The following TMTC2 variants were observed in gnomAD, a reference collection of about 807,000 sequenced individuals.
The protein encoded by TMTC2 is transmembrane O-mannosyltransferase targeting cadherins 2, also known as protein O-mannosyl-transferase TMTC2.
A neutral mutation model predicts 82.4 loss-of-function variants in TMTC2; 43 were observed. The ratio of observed to expected loss-of-function variants is 0.52; its 90% CI spans 0.41 to 0.67. The LOEUF (loss-of-function observed/expected upper bound fraction) is 0.67, where lower values mean the gene tolerates loss of function less well. Ranked by LOEUF, TMTC2 falls within the 30% of genes least tolerant of loss-of-function variation. The probability of loss-of-function intolerance (pLI) is 0.00; values close to 1 mark genes in which losing one functional copy is unlikely to be tolerated. For synonymous variants in TMTC2, 408 were observed against 381.9 expected (o/e 1.07, Z -0.80); for missense variants, 919 against 1,012.4 (o/e 0.91, Z 1.25).
intron 4 of TMTC2, among the ~76,000 whole-genome samples, chr12:82,945,507 T>TA (rs35757226): frequency 6.6e-6 from 1 of 152,224 alleles, no homozygotes. Flanking sequence ...GGTTTAACTT[T>TA]AAAACTGATT....
chr12:82,895,874 C>T lies in TMTC2; in HGVS notation c.711C>T (p.Ser237=). The T allele has an allele frequency of 1.2e-6, 2 of 1,613,756 alleles. No homozygotes were observed. Among genetic ancestry groups the T allele is most frequent in the South Asian group, 1.1e-5 (1 of 91,062 alleles). ...SISLLIFWGS[S]LLGARLYWMG... The stretch of plus-strand genomic sequence containing the variant: ...GTTTGTTAATTTTCTGGGGTTCCTC[C>T]CTTTTGGGTGCCCGGTTATACTGGA... Residue 237 remains serine, a synonymous_variant, in exon 3 of 12, where the codon TCC becomes TCT. Transcript: ENST00000321196.
At chr12:82,941,122 G>A (rs1327603928) in intron 4 of TMTC2, among the ~76,000 whole-genome samples, 1 of 152,128 alleles carries the variant, frequency 6.6e-6, no homozygotes, top group Admixed American at 6.6e-5. Flanking sequence ...TTAATATCCA[G>A]ATTAAAAAGA....
intron 3 of TMTC2, among the ~76,000 whole-genome samples, chr12:82,925,794 T>C (rs1875672370): frequency 6.6e-6 from 1 of 151,952 alleles, no homozygotes; most frequent in Non-Finnish European, 1.5e-5. Flanking sequence ...GGCAACCCTA[T>C]TCCTTGAGAC....
intron 1 of TMTC2, among the ~76,000 whole-genome samples, chr12:82,763,153 G>A (rs1014676870): frequency 4.0e-5 from 6 of 149,724 alleles, no homozygotes; most frequent in Admixed American, 4.0e-4. Context: ...ACACTGTAAA[G>A]CAGACAAAGT....
chr12:82,937,730 A>ATGTGTGTG (rs1479455766), intron 4 of TMTC2, among the ~76,000 whole-genome samples: 31 of 26,488 alleles, frequency 1.2e-3, no homozygotes, highest in African/African-American at 2.4e-3. Context: ...GTGTGTGTGG[A>ATGTGTGTG]TGTGTGTGTG....
intron 11 of TMTC2, among the ~76,000 whole-genome samples, chr12:83,123,108 A>G (rs544787131): frequency 1.2e-3 from 184 of 152,238 alleles, no homozygotes; most frequent in Non-Finnish European, 1.1e-3. Context: ...ATAGAAATGT[A>G]TAACACCCAA....
rs7978478 is a variant in TMTC2 at position 82,996,129 on chromosome 12, G to T, written c.2070+10083G>T. 4.3e-3 allele frequency among the ~76,000 whole-genome samples: 652 copies of T among 152,262 alleles called. 5 individuals carry two copies. Among genetic ancestry groups the T allele is most frequent in the African/African-American group, 0.015 (607 of 41,558 alleles). On this transcript the variant is annotated intron_variant, in intron 8 of 11. Coordinates refer to ENST00000321196, the MANE Select transcript of TMTC2 (RefSeq NM_152588.3). ...TTCTGTGTATATTTTTAAATGAAAA[G>T]AATTTTAACATAGCTACTGGTAAAA...
At chr12:82,895,334 C>G (rs1444618204) in intron 2 of TMTC2, among the ~76,000 whole-genome samples, 3 of 152,212 alleles carry the variant, frequency 2.0e-5, no homozygotes, top group East Asian at 3.9e-4. Flanking sequence ...GAGACAAGCA[C>G]AAGAGTCCTG....
chr12:82,779,856 G>A (rs1877805098), intron 1 of TMTC2, among the ~76,000 whole-genome samples: 1 of 152,056 alleles, frequency 6.6e-6, no homozygotes, highest in Admixed American at 6.6e-5. Context: ...TCAAGATCAT[G>A]CCACTGCACT....
rs576506558 is a variant in TMTC2 at position 83,075,854 on chromosome 12, C to G, written c.2331+14023C>G. Among the ~76,000 whole-genome samples, 6 of 152,304 alleles carry G rather than the reference C, an allele frequency of 3.9e-5. 1 individual carries two copies. In the South Asian group the frequency reaches 8.3e-4, roughly 21 times the overall value. On this transcript the variant is annotated intron_variant, in intron 11 of 11. Transcript: ENST00000321196. ...GTATGCTGCAGTTATTTTCTTCTGA[C>G]AGGTTACAAGTCTAGCTTGTGGTGC...
chr12:83,123,016 A>G (rs1885003034), intron 11 of TMTC2, among the ~76,000 whole-genome samples: 1 of 152,222 alleles, frequency 6.6e-6, no homozygotes, highest in South Asian at 2.1e-4. Context: ...TCTGTTAGAA[A>G]TAACTACCAC....
chr12:82,694,707 G>A (rs1308292308), intron 1 of TMTC2, among the ~76,000 whole-genome samples: 2 of 151,846 alleles, frequency 1.3e-5, no homozygotes, highest in Admixed American at 6.6e-5. Flanking sequence ...TTTCTGTGAG[G>A]TCTTTGTCTT....
chr12:82,949,952 C>T (rs985841025), intron 4 of TMTC2, among the ~76,000 whole-genome samples: 2 of 152,048 alleles, frequency 1.3e-5, no homozygotes, highest in South Asian at 2.1e-4. Context: ...GTTTATCTCA[C>T]GATGCAAATT....
rs535627509 is a variant in TMTC2 at position 82,887,851 on chromosome 12, G to A, written c.655-7967G>A. Among the ~76,000 whole-genome samples the A allele has an allele frequency of 3.1e-3, 478 of 152,136 alleles. 2 individuals are homozygous for A. The highest frequency in any genetic ancestry group is 4.5e-3 in the Non-Finnish European group (309 of 67,994). Reference sequence around the variant, plus strand: ...TCCCAGCACTTTGGGAGGCTGAGGCGGGCAGATCACCTGAGGTTGGGAGTT... The same window carrying A: ...TCCCAGCACTTTGGGAGGCTGAGGCAGGCAGATCACCTGAGGTTGGGAGTT... On this transcript the variant is annotated intron_variant, in intron 2 of 11. Transcript: ENST00000321196.
chr12:83,009,161 A>G (rs1234545946), intron 8 of TMTC2, among the ~76,000 whole-genome samples: 2 of 152,196 alleles, frequency 1.3e-5, no homozygotes, highest in East Asian at 3.9e-4. Flanking sequence ...AGGCTCTGGT[A>G]ACATCTTTTA....
intron 7 of TMTC2, among the ~76,000 whole-genome samples, chr12:82,984,011 G>C (rs1361201616): frequency 6.6e-6 from 1 of 151,818 alleles, no homozygotes; most frequent in Non-Finnish European, 1.5e-5. Context: ...AGTTTTTATA[G>C]AGATATGAAA....
chr12:83,078,996 GA>G (rs1013394454), intron 11 of TMTC2, among the ~76,000 whole-genome samples: 7 of 148,494 alleles, frequency 4.7e-5, no homozygotes, highest in South Asian at 2.1e-4. Context: ...AAGCAATTTT[GA>G]AAAAAAAATC....
chr12:82,925,250 A>C (rs770972343), intron 3 of TMTC2, among the ~76,000 whole-genome samples: 9 of 152,164 alleles, frequency 5.9e-5, no homozygotes, highest in Non-Finnish European at 7.3e-5. Context: ...TATTGTATAG[A>C]TCCCACCCTC....
At chr12:83,003,367 T>TA (rs941324216) in intron 8 of TMTC2, among the ~76,000 whole-genome samples, 22 of 151,584 alleles carry the variant, frequency 1.5e-4, no homozygotes, top group African/African-American at 5.1e-4. Context: ...TTTTTTAATG[T>TA]AACTTGCCTT....
Sources: gnomAD v4.1 joint callset for allele counts (sites outside exome capture counted in the v4.1 genomes callset) on GRCh38, gnomAD v4.1.1 for gene constraint, MANE v1.5 for transcripts, NCBI Gene and HGNC (gene_info 2026-07-23, HGNC 2026-07-21) for gene names.